Variants in MYO16 observed in about 807,000 individuals in gnomAD.
The protein encoded by MYO16 is unconventional myosin-XVI.
MYO16 carries 94 observed loss-of-function variants against 205.3 expected under a neutral mutation model. The ratio of observed to expected loss-of-function variants is 0.46; its 90% CI spans 0.39 to 0.54. MYO16 has a LOEUF of 0.54. Ranked by LOEUF, MYO16 falls within the 20% of genes least tolerant of loss-of-function variation. MYO16 has a pLI of 0.00. For synonymous variants in MYO16, 988 were observed against 954.0 expected (o/e 1.04, Z -0.66); for missense variants, 2,315 against 2,387.5 (o/e 0.97, Z 0.63).
At chr13:108,604,811 A>G (rs1415715188) in intron 1 of MYO16, among the ~76,000 whole-genome samples, 1 of 152,198 alleles carries the variant, frequency 6.6e-6, no homozygotes, top group Non-Finnish European at 1.5e-5. Flanking sequence ...TGTCAGCCTT[A>G]GAGAGCAGGT....
chr13:108,589,929 T>G, the MYO16 span, among the ~76,000 whole-genome samples: 1 of 152,218 alleles, frequency 6.6e-6, no homozygotes, highest in Non-Finnish European at 1.5e-5. Context: ...TCTGATTAAC[T>G]TTCCTGGCTC....
intron 2 of MYO16, among the ~76,000 whole-genome samples, chr13:108,707,859 A>G (rs1883572507): frequency 6.6e-6 from 1 of 152,172 alleles, no homozygotes; most frequent in Non-Finnish European, 1.5e-5. Flanking sequence ...AGATCCCACA[A>G]CAAAGCTCCT....
At chr13:108,571,051 A>G in the MYO16 span, among the ~76,000 whole-genome samples, 1 of 152,206 alleles carries the variant, frequency 6.6e-6, no homozygotes, top group East Asian at 1.9e-4. Flanking sequence ...GAGTAAATAT[A>G]GATCAGATTA....
chr13:109,026,085 T>G (rs1886352215), intron 23 of MYO16, among the ~76,000 whole-genome samples: 1 of 152,244 alleles, frequency 6.6e-6, no homozygotes. Flanking sequence ...TGATGTGTTC[T>G]TACACCTAAG....
chr13:108,900,870 A>G (rs767381964), intron 15 of MYO16, among the ~76,000 whole-genome samples: 3 of 152,190 alleles, frequency 2.0e-5, no homozygotes, highest in Non-Finnish European at 4.4e-5. Flanking sequence ...TTCTTTCAAA[A>G]GCAAATGGGA....
rs145576705 is a variant in MYO16 at position 108,778,118 on chromosome 13, C to G, written c.508-7517C>G. Among the ~76,000 whole-genome samples the G allele has an allele frequency of 2.1e-3, 316 of 152,308 alleles. 2 individuals carry two copies. The highest frequency in any genetic ancestry group is 7.4e-3 in the African/African-American group (307 of 41,564). ...TAATATTTACTTTCCCCAGACGATA[C>G]TGGGATTTCACTCTAGGCATGAATC... is the stretch of plus-strand genomic sequence containing the variant. On this transcript the variant is annotated intron_variant, in intron 4 of 34. Transcript: ENST00000457511.
In MYO16 at chr13:108,671,730, G is replaced by A. The variant is rs2139446459; in HGVS notation, c.292+5581G>A. Among the ~76,000 whole-genome samples, 2 of 152,292 alleles carry A rather than the reference G, an allele frequency of 1.3e-5. 1 individual carries two copies. ...GCAGACATTTATTTCTCACAGTTCT[G>A]AAGACAGGGAAGTCCAAGATCAAGG... On this transcript the variant is annotated intron_variant, in intron 2 of 34. Transcript: ENST00000457511.
At chr13:108,749,616 C>G (rs1885166334) in intron 4 of MYO16, among the ~76,000 whole-genome samples, 1 of 152,140 alleles carries the variant, frequency 6.6e-6, no homozygotes, top group Non-Finnish European at 1.5e-5. Flanking sequence ...AAGGCCAAAC[C>G]AAACCTAGTG....
Position 109,091,884 on chromosome 13 carries a change from G to A in MYO16, c.3336-8901G>A, listed in dbSNP as rs578230775. 2.8e-3 allele frequency among the ~76,000 whole-genome samples: 419 copies of A among 152,268 alleles called. 1 individual carries two copies. Among genetic ancestry groups the A allele is most frequent in the Non-Finnish European group, 4.7e-3 (320 of 68,018 alleles). ...AGTAATTGGAATATAACCGTAATAA[G>A]ATAAATAGTATAATATCTTGAAATA... On this transcript the variant is annotated intron_variant, in intron 27 of 34. Coordinates refer to ENST00000457511, the MANE Select transcript of MYO16 (RefSeq NM_001198950.3).
intron 9 of MYO16, among the ~76,000 whole-genome samples, chr13:108,831,577 ATC>A (rs1187370623): frequency 2.6e-5 from 4 of 152,152 alleles, no homozygotes; most frequent in African/African-American, 9.7e-5. Context: ...CCATGGCACA[ATC>A]TCAGCTCACT....
intron 10 of MYO16, among the ~76,000 whole-genome samples, chr13:108,845,508 G>A (rs1877474217): frequency 6.6e-6 from 1 of 152,114 alleles, no homozygotes; most frequent in Non-Finnish European, 1.5e-5. Flanking sequence ...GGAAGAGGCA[G>A]GGAGGAGCAG....
At chr13:108,694,915 C>A (rs1883031819) in intron 2 of MYO16, among the ~76,000 whole-genome samples, 1 of 152,048 alleles carries the variant, frequency 6.6e-6, no homozygotes, top group African/African-American at 2.4e-5. Flanking sequence ...GAGTTCGAGA[C>A]CAGCCTGACC....
chr13:108,605,942 TA>T (rs2139307717), intron 1 of MYO16, among the ~76,000 whole-genome samples: 1 of 152,268 alleles, frequency 6.6e-6, no homozygotes, highest in African/African-American at 2.4e-5. Context: ...AAAATTCTGA[TA>T]GTGATATGGA....
intron 2 of MYO16, among the ~76,000 whole-genome samples, chr13:108,684,840 T>C (rs928995784): frequency 6.6e-6 from 1 of 152,168 alleles, no homozygotes; most frequent in African/African-American, 2.4e-5. Flanking sequence ...GGCCGCCTGG[T>C]GAGCCTGGAA....
intron 4 of MYO16, among the ~76,000 whole-genome samples, chr13:108,744,202 GA>G (rs1884991892): frequency 1.3e-5 from 2 of 152,168 alleles, no homozygotes; most frequent in Non-Finnish European, 2.9e-5. Context: ...AGGCTTGAAT[GA>G]CTTCAACTTC....
intron 4 of MYO16, among the ~76,000 whole-genome samples, chr13:108,747,106 A>C (rs1194188553): frequency 6.6e-6 from 1 of 152,230 alleles, no homozygotes; most frequent in East Asian, 1.9e-4. Flanking sequence ...TCAGACAAAC[A>C]AAAGTTGAGC....
Position 109,141,724 on chromosome 13 carries a change from G to A in MYO16, c.5164+348G>A, listed in dbSNP as rs144800991. Among the ~76,000 whole-genome samples, 16 of 152,180 alleles carry A rather than the reference G, an allele frequency of 1.1e-4. No homozygotes were observed. The highest frequency in any genetic ancestry group is 9.2e-4 in the Admixed American group (14 of 15,290). On this transcript the variant is annotated intron_variant, in intron 32 of 34. Transcript: ENST00000457511. This position sits in a 1 kb window ranked among gnomAD's most constrained non-coding sequence, Gnocchi z 4.1. The stretch of plus-strand genomic sequence containing the variant: ...TAAAAAAATATTTTTTCCTTATAAC[G>A]TGAAAGTGGTATTTTGTGTATGTTT...
chr13:109,022,552 CT>C (rs1886098438), intron 23 of MYO16, among the ~76,000 whole-genome samples: 1 of 125,200 alleles, frequency 8.0e-6, no homozygotes, highest in Admixed American at 8.8e-5. Flanking sequence ...GTATATATTT[CT>C]ATATTCTACA....
chr13:108,851,098 G>A, intron 10 of MYO16, among the ~76,000 whole-genome samples: 1 of 152,158 alleles, frequency 6.6e-6, no homozygotes, highest in East Asian at 1.9e-4. Context: ...CATTACTCCT[G>A]AAGAAAACAC....
Sources: gnomAD v4.1 joint callset for allele counts (sites outside exome capture counted in the v4.1 genomes callset) on GRCh38, gnomAD v4.1.1 for gene constraint, Gnocchi (gnomAD v3.1) non-coding constraint, MANE v1.5 for transcripts, NCBI Gene and HGNC (gene_info 2026-07-23, HGNC 2026-07-21) for gene names.